The following WTAP variants were observed in gnomAD, a reference collection of about 807,000 sequenced individuals.
WTAP encodes the protein pre-mRNA-splicing regulator WTAP.
Under a neutral mutation model 50.0 loss-of-function variants are expected in WTAP, and 8 were observed. The observed-to-expected ratio is 0.16, with a 90% CI of 0.09 to 0.29. WTAP has a LOEUF of 0.29. WTAP is among the 10% of genes least tolerant of loss of function. The pLI, the probability that WTAP is intolerant of heterozygous loss-of-function variation, is 1.00. For synonymous variants in WTAP, 194 were observed against 169.0 expected, an observed-to-expected ratio of 1.15 and a Z score of -1.15; for missense variants, 295 against 470.7, an observed-to-expected ratio of 0.63 and a Z score of 3.45.
chr6:159,730,318 A>G (rs1042915820), intron 1 of WTAP, among the ~76,000 whole-genome samples: 1 of 152,222 alleles, frequency 6.6e-6, no homozygotes, highest in Non-Finnish European at 1.5e-5. Flanking sequence ...ATTGACTCCA[A>G]ATGATGTTAT....
intron 7 of WTAP, 73 bp downstream of exon 7, chr6:159,753,687 A>G: frequency 6.6e-7 from 1 of 1,508,236 alleles, no homozygotes; most frequent in Non-Finnish European, 8.9e-7. Flanking sequence ...AGTCATGAAT[A>G]TTATAGGTTA....
chr6:159,737,357 T>G (rs1044700658), intron 2 of WTAP, among the ~76,000 whole-genome samples: 1 of 152,214 alleles, frequency 6.6e-6, no homozygotes, highest in African/African-American at 2.4e-5. Context: ...AGCCTTTCAA[T>G]ATGTTACATT....
chr6:159,753,319 G>C, intron 6 of WTAP, 141 bp from the exon 7 acceptor site: 1 of 1,223,960 alleles, frequency 8.2e-7, no homozygotes. Flanking sequence ...ATGTGTCCCA[G>C]AAAAGAAGAT....
chr6:159,741,625 T>C (rs1779260219), intron 3 of WTAP: 1 of 155,094 alleles, frequency 6.4e-6, no homozygotes, highest in Non-Finnish European at 1.4e-5. Context: ...AAACCTTCTC[T>C]ATATATCTCT....
intron 1 of WTAP, among the ~76,000 whole-genome samples, chr6:159,731,709 T>G (rs960483244): frequency 6.6e-6 from 1 of 152,176 alleles, no homozygotes; most frequent in Non-Finnish European, 1.5e-5. Context: ...TAAAGATTAA[T>G]GTCTGTCTTC....
intron 6 of WTAP, chr6:159,749,066 T>C (rs1206226349): frequency 1.1e-5 from 11 of 989,496 alleles, no homozygotes; most frequent in Non-Finnish European, 1.3e-5. Context: ...TATTACTTGC[T>C]TGAGCCTTAA....
At chr6:159,737,732 T>C (rs965407051) in intron 2 of WTAP, among the ~76,000 whole-genome samples, 6 of 152,170 alleles carry the variant, frequency 3.9e-5, no homozygotes, top group African/African-American at 1.4e-4. Flanking sequence ...GTTCAAGATA[T>C]ACTCCCGCCT....
At chr6:159,739,081 A>G (rs367895455) in intron 3 of WTAP, 36 bp downstream of exon 3, 13 of 1,514,022 alleles carry the variant, frequency 8.6e-6, no homozygotes, top group African/African-American at 6.9e-5. Context: ...AAGTCTTTCT[A>G]TAGAACATTA....
chr6:159,753,201 A>G (rs1374976820), intron 6 of WTAP, among the ~76,000 whole-genome samples: 1 of 152,214 alleles, frequency 6.6e-6, no homozygotes, highest in Non-Finnish European at 1.5e-5. Flanking sequence ...GATGGATTTC[A>G]GAATTGATTA....
chr6:159,741,023 T>G (rs1363816846), intron 3 of WTAP, among the ~76,000 whole-genome samples: 2 of 152,196 alleles, frequency 1.3e-5, no homozygotes, highest in African/African-American at 4.8e-5. Context: ...TAATAACTCA[T>G]GACAAGCCTG....
chr6:159,733,603 CAG>C (rs566117507), intron 1 of WTAP, among the ~76,000 whole-genome samples: 64 of 148,854 alleles, frequency 4.3e-4, no homozygotes, highest in Middle Eastern at 6.9e-3. Flanking sequence ...GTCTAGGTGA[CAG>C]AGCGAGACTG....
At chr6:159,743,623 T>C (rs1779392026) in intron 4 of WTAP, 42 bp from the exon 5 acceptor site, 2 of 1,549,302 alleles carry the variant, frequency 1.3e-6, no homozygotes, top group African/African-American at 1.4e-5. Context: ...ATTTAGAACT[T>C]GATCTTAAAA....
chr6:159,741,941 G>T, intron 3 of WTAP, 147 bp from the exon 4 acceptor site: 1 of 613,674 alleles, frequency 1.6e-6, no homozygotes, highest in Non-Finnish European at 2.8e-6. Context: ...GACAGAGCGA[G>T]ACTCTGTCTA....
At position 159,748,591 on chromosome 6, in the gene WTAP, G is replaced by A. The variant is rs1307732515; in HGVS notation, c.452+222G>A. The A allele has an allele frequency of 7.3e-7, 1 of 1,360,820 alleles. No individual in the cohort carries two copies. The highest frequency in any genetic ancestry group is 9.4e-7 in the Non-Finnish European group (1 of 1,058,718). 84.3% of individuals were successfully genotyped at this position (1,360,820 alleles called of 1,614,324 possible). ...CTTTTCCCCTTCCCCTTGCTTCAGA[G>A]GCCTGATGGCGTCGGACTATTCCGA... On this transcript the variant is annotated intron_variant, in intron 6 of 7. Transcript: ENST00000621533. The surrounding 1 kb of genome is among the most constrained non-coding windows in gnomAD (Gnocchi z 5.6).
In WTAP at chr6:159,748,410, T is replaced by C; in HGVS notation, c.452+41T>C. On this transcript the variant is annotated intron_variant, in intron 6 of 7. Coordinates refer to ENST00000621533, the MANE Select transcript of WTAP (RefSeq NM_001270531.2). This position sits in a 1 kb window ranked among gnomAD's most constrained non-coding sequence, Gnocchi z 5.6. ...TCCCCAGTCAAGACTTCCCTGACAG[T>C]CCCACTACGAGAAAGCTGTGGTGGG... 6.2e-7 allele frequency: 1 copy of C among 1,606,274 alleles called. No individual in the cohort carries two copies. The highest frequency in any genetic ancestry group is 1.7e-4 in the Middle Eastern group (1 of 6,030).
upstream of WTAP, chr6:159,726,987 C>T (rs1411104418): frequency 1.6e-6 from 2 of 1,278,780 alleles, no homozygotes; most frequent in Admixed American, 4.7e-5. Context: ...TCACGCGCCG[C>T]CTTCGCCCAG....
chr6:159,735,703 C>T (rs1485690906), intron 1 of WTAP, among the ~76,000 whole-genome samples: 3 of 151,872 alleles, frequency 2.0e-5, no homozygotes, highest in South Asian at 2.1e-4. Flanking sequence ...GACCTGAGAT[C>T]GCGCCACTGC....
In WTAP at chr6:159,755,464, T is replaced by G; in HGVS notation, c.1044T>G (p.Ser348=). ...ACTCTCCCACGGGCAGTGAAAACTCTCTCACACACCAATCAAATGACACAG... is the reference window on the plus strand; with the variant it reads ...ACTCTCCCACGGGCAGTGAAAACTCGCTCACACACCAATCAAATGACACAG... ...SVDSPTGSEN[S]LTHQSNDTDS... The change falls in exon 8 of 8, where the codon TCT becomes TCG. Residue 348 remains serine, a synonymous_variant. Coordinates refer to ENST00000621533, the MANE Select transcript of WTAP (RefSeq NM_001270531.2). The G allele has an allele frequency of 1.2e-6, 2 of 1,613,974 alleles. No individual in the cohort carries two copies. Among genetic ancestry groups the G allele is most frequent in the Non-Finnish European group, 1.7e-6 (2 of 1,179,996 alleles).
At chr6:159,750,742 C>G (rs1779787854) in intron 6 of WTAP, among the ~76,000 whole-genome samples, 2 of 151,940 alleles carry the variant, frequency 1.3e-5, no homozygotes, top group Admixed American at 1.3e-4. Flanking sequence ...TTATTTGAAT[C>G]ACTTATAAAT....
Sources: gnomAD v4.1 joint callset for allele counts (sites outside exome capture counted in the v4.1 genomes callset) on GRCh38, gnomAD v4.1.1 for gene constraint, Gnocchi (gnomAD v3.1) non-coding constraint, MANE v1.5 for transcripts, NCBI Gene and HGNC (gene_info 2026-07-23, HGNC 2026-07-21) for gene names.